Variants in PRUNE2 observed in about 807,000 individuals in gnomAD.
PRUNE2 encodes the protein protein prune homolog 2.
Under a neutral mutation model 252.0 loss-of-function variants are expected in PRUNE2, and 164 were observed. The ratio of observed to expected loss-of-function variants is 0.65; its 90% CI spans 0.57 to 0.74. The LOEUF (loss-of-function observed/expected upper bound fraction) is 0.74. Among genes scored for constraint, PRUNE2 ranks in the 30% least tolerant of loss-of-function variants. PRUNE2 has a pLI of 0.00. For synonymous variants in PRUNE2, 1,292 were observed against 1,350.2 expected, an observed-to-expected ratio of 0.96 and a Z score of 0.94; for missense variants, 3,495 against 3,711.0, an observed-to-expected ratio of 0.94 and a Z score of 1.51.
intron 4 of PRUNE2, among the ~76,000 whole-genome samples, chr9:76,845,151 A>G (rs1034438864): frequency 6.6e-6 from 1 of 152,162 alleles, no homozygotes; most frequent in African/African-American, 2.4e-5. Context: ...CTAAATCTGA[A>G]TATCATTGTT....
chr9:76,664,677 T>C (rs1224096740), intron 9 of PRUNE2, among the ~76,000 whole-genome samples: 1 of 152,074 alleles, frequency 6.6e-6, no homozygotes, highest in Admixed American at 6.5e-5. Flanking sequence ...TGCACCACCA[T>C]GCCGAGCTAA....
chr9:76,769,518 C>CG (rs2052849702), intron 6 of PRUNE2, among the ~76,000 whole-genome samples: 1 of 152,114 alleles, frequency 6.6e-6, no homozygotes, highest in African/African-American at 2.4e-5. Context: ...CTCCGCCCCC[C>CG]GGGTTCAAGT....
intron 4 of PRUNE2, among the ~76,000 whole-genome samples, chr9:76,837,811 G>C (rs189788311): frequency 2.1e-5 from 3 of 143,500 alleles, no homozygotes; most frequent in Admixed American, 7.2e-5. Flanking sequence ...TTGCTCTGTC[G>C]CCCAGGCTGG....
chr9:76,716,949 T>A (rs1344739839), intron 6 of PRUNE2, among the ~76,000 whole-genome samples: 1 of 152,170 alleles, frequency 6.6e-6, no homozygotes, highest in African/African-American at 2.4e-5. Flanking sequence ...TTGAGGATGG[T>A]GGCTTCCAGC....
chr9:76,709,403 A>AT lies in PRUNE2; in HGVS notation c.2870dup (p.Asp957GlufsTer30). 1 of 1,613,998 alleles carries AT rather than the reference A, an allele frequency of 6.2e-7. No homozygotes were observed. Among genetic ancestry groups the AT allele is most frequent in the Non-Finnish European group, 8.5e-7 (1 of 1,179,888 alleles). ...TGGTATCTAAGGGGGAAGGCACCGA[A>AT]TCTTCTCCTAGGTTGGATGCACTGT... On this transcript the variant is annotated frameshift_variant, in exon 8 of 19. Transcript: ENST00000376718. LOFTEE classifies it high-confidence loss of function.
At chr9:76,847,590 C>T (rs1480220928) in intron 3 of PRUNE2, among the ~76,000 whole-genome samples, 1 of 152,102 alleles carries the variant, frequency 6.6e-6, no homozygotes, top group Non-Finnish European at 1.5e-5. Flanking sequence ...GCTTGCAAAT[C>T]CAGTCACCGT....
At chr9:76,673,497 C>T (rs2041928597) in intron 9 of PRUNE2, among the ~76,000 whole-genome samples, 1 of 111,940 alleles carries the variant, frequency 8.9e-6, no homozygotes, top group Non-Finnish European at 1.8e-5. Flanking sequence ...TGGTACCATT[C>T]CTTCTGAAAC....
chr9:76,812,630 C>A (rs2057430925), intron 6 of PRUNE2, among the ~76,000 whole-genome samples: 1 of 152,240 alleles, frequency 6.6e-6, no homozygotes, highest in African/African-American at 2.4e-5. Flanking sequence ...TTATGCCCAA[C>A]ACCACATAAA....
Position 76,850,607 on chromosome 9 carries a change from T to C in PRUNE2, c.200A>G (p.Asn67Ser), listed in dbSNP as rs528968349. The C allele has an allele frequency of 3.7e-6, 6 of 1,614,166 alleles. No homozygotes were observed. In the African/African-American group the frequency reaches 4.0e-5, roughly 11 times the overall value. Residue 67 changes from asparagine to serine, a missense_variant, in exon 3 of 19, where the codon AAC (asparagine) becomes AGC (serine). Physicochemically the swap from Asn to Ser is conservative, Grantham distance 46. Transcript: ENST00000376718. ...AATAAACCTCGTCTCGGTGAAGTAG[T>C]TGAATTCAGTTCTTGGTATGTTCAG... ...PVLNIPRTEF[N>S]YFTETRFILE...
intron 4 of PRUNE2, among the ~76,000 whole-genome samples, chr9:76,840,678 A>G (rs2059332976): frequency 6.6e-6 from 1 of 152,210 alleles, no homozygotes; most frequent in Non-Finnish European, 1.5e-5. Flanking sequence ...GACCTAGAAG[A>G]ATACATAAAA....
chr9:76,754,442 A>ACGTC (rs1416694148), intron 6 of PRUNE2, among the ~76,000 whole-genome samples: 2 of 152,198 alleles, frequency 1.3e-5, no homozygotes, highest in East Asian at 1.9e-4. Context: ...CTATCCATGA[A>ACGTC]CGTCCCTTTT....
intron 15 of PRUNE2, among the ~76,000 whole-genome samples, chr9:76,629,928 A>G (rs1267274381): frequency 6.6e-6 from 1 of 152,210 alleles, no homozygotes; most frequent in Non-Finnish European, 1.5e-5. Context: ...GGTAGACACT[A>G]TTATTATCCT....
At chr9:76,679,547 T>C (rs1217241512) in intron 9 of PRUNE2, among the ~76,000 whole-genome samples, 2 of 152,146 alleles carry the variant, frequency 1.3e-5, no homozygotes, top group African/African-American at 2.4e-5. Flanking sequence ...CCAAGTACTA[T>C]AGGAAGGCTG....
chr9:76,738,710 T>C (rs1313619072), intron 6 of PRUNE2: 1 of 152,078 alleles, frequency 6.6e-6, no homozygotes, highest in Non-Finnish European at 1.5e-5. Context: ...TAAAAAGTCA[T>C]GAGAGTTGAG....
chr9:76,702,861 T>G (rs1461586946), intron 9 of PRUNE2, among the ~76,000 whole-genome samples: 2 of 152,180 alleles, frequency 1.3e-5, no homozygotes, highest in Non-Finnish European at 2.9e-5. Flanking sequence ...GAATCCCAGG[T>G]GTTCACTCTG....
chr9:76,701,585 C>T (rs371485210), intron 9 of PRUNE2, among the ~76,000 whole-genome samples: 1 of 152,130 alleles, frequency 6.6e-6, no homozygotes, highest in Non-Finnish European at 1.5e-5. Context: ...GATCCATCTG[C>T]TACTCTCTTT....
At chr9:76,853,979 T>A (rs948278935) in intron 2 of PRUNE2, 125 bp downstream of exon 2, 3 of 511,234 alleles carry the variant, frequency 5.9e-6, no homozygotes. Flanking sequence ...TACTTTATAC[T>A]CTGCAACAAT....
At chr9:76,674,211 A>G (rs1208517072) in intron 9 of PRUNE2, among the ~76,000 whole-genome samples, 1 of 152,176 alleles carries the variant, frequency 6.6e-6, no homozygotes, top group African/African-American at 2.4e-5. Flanking sequence ...GCAAAGTCTC[A>G]GGATACAAAA....
At chr9:76,703,055 T>C (rs985833229) in intron 9 of PRUNE2, among the ~76,000 whole-genome samples, 16 of 152,104 alleles carry the variant, frequency 1.1e-4, no homozygotes, top group Non-Finnish European at 2.1e-4. Flanking sequence ...CAACTGCCTG[T>C]TGAAGAGTCA....
Sources: gnomAD v4.1 joint callset for allele counts (sites outside exome capture counted in the v4.1 genomes callset) on GRCh38, gnomAD v4.1.1 for gene constraint, MANE v1.5 for transcripts, NCBI Gene and HGNC (gene_info 2026-07-23, HGNC 2026-07-21) for gene names.